SHMT1: variants seen among roughly 807,000 people sequenced by gnomAD.
SHMT1 encodes serine hydroxymethyltransferase, cytosolic.
In SHMT1, 45 loss-of-function variants were observed where a neutral mutation model predicts 49.0. The observed-to-expected ratio is 0.92, with a 90% CI of 0.72 to 1.18. The LOEUF is 1.18. Among genes scored for constraint, SHMT1 ranks in the 50% most tolerant of loss-of-function variants. The pLI is 0.00. For missense variants in SHMT1, 541 were observed against 612.4 expected (o/e 0.88, Z 1.23); for synonymous variants, 232 against 246.6 (o/e 0.94, Z 0.55).
chr17:18,358,851 C>T (rs144518520), intron 1 of SHMT1, among the ~76,000 whole-genome samples: 3 of 152,182 alleles, frequency 2.0e-5, no homozygotes, highest in South Asian at 2.1e-4. Context: ...TGCAATGAGC[C>T]GTGATTGTGG....
At chr17:18,345,482 C>G (rs1363244298) in intron 5 of SHMT1, among the ~76,000 whole-genome samples, 2 of 152,090 alleles carry the variant, frequency 1.3e-5, no homozygotes, top group African/African-American at 4.8e-5. Flanking sequence ...GTCTCGAACT[C>G]CTGACCTCGG....
intron 5 of SHMT1, among the ~76,000 whole-genome samples, chr17:18,343,829 A>G (rs1984790092): frequency 6.6e-6 from 1 of 150,452 alleles, no homozygotes; most frequent in Admixed American, 6.6e-5. Flanking sequence ...CTGAAGAGGA[A>G]AGATCGCTTG....
chr17:18,330,664 A>G lies in SHMT1; in HGVS notation c.1062T>C (p.Ser354=), dbSNP rs1983106154. 6.2e-7 allele frequency: 1 copy of G among 1,612,266 alleles called. No homozygotes were observed. The highest frequency in any genetic ancestry group is 8.5e-7 in the Non-Finnish European group (1 of 1,178,222). The change falls in exon 10 of 12, where the codon TCT becomes TCC. Residue 354 remains serine, a synonymous_variant. Coordinates refer to ENST00000316694, the MANE Select transcript of SHMT1 (RefSeq NM_004169.5). Reference sequence around the variant, plus strand: ...GATCCACAAGGATCAAATGGTTGTCAGAACCACCTGGAAACAAAGTTGGAC... The same window carrying G: ...GATCCACAAGGATCAAATGGTTGTCGGAACCACCTGGAAACAAAGTTGGAC... The part of the protein sequence containing the change: ...ELGYKIVTGG[S]DNHLILVDLR...
chr17:18,355,140 T>C (rs1481752043), intron 2 of SHMT1, among the ~76,000 whole-genome samples: 3 of 115,710 alleles, frequency 2.6e-5, no homozygotes, highest in Admixed American at 1.0e-4. Context: ...GAGGCTGAGG[T>C]GGGCGGATCA....
chr17:18,331,459 C>G (rs995557349), intron 9 of SHMT1: 1 of 156,120 alleles, frequency 6.4e-6, no homozygotes, highest in Non-Finnish European at 1.4e-5. Flanking sequence ...ACAGGGCTGT[C>G]ATGAAGTTTA....
intron 10 of SHMT1, among the ~76,000 whole-genome samples, chr17:18,329,887 G>A (rs566048346): frequency 7.6e-4 from 116 of 152,140 alleles, no homozygotes; most frequent in Non-Finnish European, 1.5e-3. Flanking sequence ...TTTTTGAGAC[G>A]GAGTCTCACT....
chr17:18,351,297 C>T (rs1415404899), intron 3 of SHMT1, among the ~76,000 whole-genome samples: 2 of 151,838 alleles, frequency 1.3e-5, no homozygotes, highest in Non-Finnish European at 2.9e-5. Flanking sequence ...CCAGCCACCA[C>T]ACCTGGCTAA....
chr17:18,347,430 G>A, intron 5 of SHMT1, 66 bp downstream of exon 5: 2 of 1,571,478 alleles, frequency 1.3e-6, no homozygotes, highest in Non-Finnish European at 8.7e-7. Context: ...ACTTACCCCT[G>A]CAGGCACAGC....
intron 1 of SHMT1, among the ~76,000 whole-genome samples, chr17:18,357,020 G>A (rs1013625050): frequency 4.6e-5 from 7 of 151,984 alleles, no homozygotes; most frequent in African/African-American, 1.7e-4. Context: ...GGTGGCTCAC[G>A]CCTGCAATCC....
chr17:18,359,150 A>T (rs1419036811), intron 1 of SHMT1, among the ~76,000 whole-genome samples: 1 of 151,912 alleles, frequency 6.6e-6, no homozygotes, highest in East Asian at 1.9e-4. Flanking sequence ...AGGCAGGAGA[A>T]TCGCTTGAAC....
intron 2 of SHMT1, among the ~76,000 whole-genome samples, chr17:18,355,229 G>A (rs1274463877): frequency 6.6e-6 from 1 of 151,170 alleles, no homozygotes; most frequent in Non-Finnish European, 1.5e-5. Context: ...AATTAGCCGG[G>A]TGTGGTGGCA....
intron 2 of SHMT1, among the ~76,000 whole-genome samples, chr17:18,354,340 AC>A (rs1472969576): frequency 1.3e-5 from 2 of 152,058 alleles, no homozygotes; most frequent in Admixed American, 6.6e-5. Flanking sequence ...AATCACTTGA[AC>A]CCGGGAGGCG....
At chr17:18,346,601 G>A (rs977551176) in intron 5 of SHMT1, among the ~76,000 whole-genome samples, 2 of 152,116 alleles carry the variant, frequency 1.3e-5, no homozygotes, top group Non-Finnish European at 2.9e-5. Flanking sequence ...GTGTACACCT[G>A]AGCCATACAG....
At chr17:18,354,384 A>G (rs1986021994) in intron 2 of SHMT1, among the ~76,000 whole-genome samples, 1 of 152,140 alleles carries the variant, frequency 6.6e-6, no homozygotes, top group African/African-American at 2.4e-5. Flanking sequence ...ACGCCATTGC[A>G]CTCCAGCCTG....
rs752156304 is a variant in SHMT1, at chr17:18,335,589, G to A, written c.901C>T (p.Gln301Ter). ...LINSAVFPGLQGGPHNHAIAG... is the reference protein window; with the variant it reads ...LINSAVFPGL Reference sequence around the variant, plus strand: ...ATGGCGTGGTTGTGGGGACCTCCCTGCAGGCCAGGGAACACAGCAGAATTG... The same window carrying A: ...ATGGCGTGGTTGTGGGGACCTCCCTACAGGCCAGGGAACACAGCAGAATTG... Residue 301 changes from glutamine (Q) to a stop codon, truncating the protein, a stop_gained, in exon 8 of 12, where the codon CAG becomes TAG. Coordinates refer to ENST00000316694, the MANE Select transcript of SHMT1 (RefSeq NM_004169.5). LOFTEE classifies it high-confidence loss of function. The A allele has an allele frequency of 6.2e-7, 1 of 1,613,622 alleles. No homozygotes were observed. The highest frequency in any genetic ancestry group is 1.3e-5 in the African/African-American group (1 of 75,038).
intron 3 of SHMT1, 172 bp downstream of exon 3, chr17:18,353,500 T>C: frequency 1.3e-6 from 1 of 779,524 alleles, no homozygotes; most frequent in Non-Finnish European, 2.3e-6. Flanking sequence ...AGCTCTTCAG[T>C]GTTATCACAT....
intron 1 of SHMT1, among the ~76,000 whole-genome samples, chr17:18,361,415 T>C (rs1986760191): frequency 6.6e-6 from 1 of 150,640 alleles, no homozygotes; most frequent in Non-Finnish European, 1.5e-5. Context: ...GAGGTAGAGA[T>C]TGCAGTGGAC....
Position 18,339,049 on chromosome 17 carries a change from TAAAAAAAAAAAAAAA to T in SHMT1, c.814+979_814+993del, listed in dbSNP as rs34704448. On this transcript the variant is annotated intron_variant, in intron 7 of 11. Coordinates refer to ENST00000316694, the MANE Select transcript of SHMT1 (RefSeq NM_004169.5). ...ACACCCAAGAATGATCAATAAATACTAAAAAAAAAAAAAAAAAAAAAAAAAAAAAAGAGTAATGTA... is the reference window on the plus strand; with the variant it reads ...ACACCCAAGAATGATCAATAAATACTAAAAAAAAAAAAAAAGAGTAATGTA... Among the ~76,000 whole-genome samples, 5 of 26,872 alleles carry T rather than the reference TAAAAAAAAAAAAAAA, an allele frequency of 1.9e-4. 1 individual carries two copies. Among genetic ancestry groups the T allele is most frequent in the South Asian group, 2.7e-3 (1 of 370 alleles). The allele number at this position is 26,872 out of a possible 152,430, so 17.6% of individuals were successfully genotyped here.
Position 18,341,006 on chromosome 17 carries a change from C to T in SHMT1, c.520-193G>A. ...AGTATGGCTCACAGACCCAGGAGTC[C>T]CTGAGGAGTCCCAGGGTTGTAGTGA... On this transcript the variant is annotated intron_variant, in intron 5 of 11. Transcript: ENST00000316694. 3 of 626,458 alleles carry T rather than the reference C, an allele frequency of 4.8e-6. No homozygotes were observed. The South Asian group carries it at 5.3e-5, about 11-fold the overall frequency. 38.8% of individuals were successfully genotyped at this position (626,458 alleles called of 1,614,324 possible).
Sources: allele counts gnomAD v4.1 joint callset (sites outside exome capture counted in the v4.1 genomes callset), GRCh38; gene constraint gnomAD v4.1.1; transcripts MANE v1.5; gene names NCBI Gene and HGNC (gene_info 2026-07-23, HGNC 2026-07-21).